Variants in BIRC6 observed in about 807,000 individuals in gnomAD.
The protein encoded by BIRC6 is dual E2 ubiquitin-conjugating enzyme/E3 ubiquitin-protein ligase BIRC6.
BIRC6 carries 98 observed loss-of-function variants against 503.3 expected under a neutral mutation model. The ratio of observed to expected loss-of-function variants is 0.19; its 90% CI spans 0.17 to 0.23. The LOEUF (loss-of-function observed/expected upper bound fraction) is 0.23, where lower values mean the gene tolerates loss of function less well. BIRC6 is among the 10% of genes least tolerant of loss of function. BIRC6 has a pLI of 1.00. For missense variants in BIRC6, 5,360 were observed against 5,806.0 expected, an observed-to-expected ratio of 0.92 and a Z score of 2.50; for synonymous variants, 2,240 against 2,078.7, an observed-to-expected ratio of 1.08 and a Z score of -2.11.
chr2:32,413,584 G>T (rs2149990612), intron 9 of BIRC6, among the ~76,000 whole-genome samples: 1 of 151,990 alleles, frequency 6.6e-6, no homozygotes, highest in Admixed American at 6.6e-5. Flanking sequence ...CTCCCAAAGT[G>T]CTAGGATGAC....
At chr2:32,360,472 T>TA (rs2033890015) in intron 1 of BIRC6, among the ~76,000 whole-genome samples, 1 of 152,224 alleles carries the variant, frequency 6.6e-6, no homozygotes, top group Non-Finnish European at 1.5e-5. Context: ...ATCTGGCTTT[T>TA]ACTAGTCTCT....
At chr2:32,602,419 T>C (rs2062125953) in intron 70 of BIRC6, 1 of 152,124 alleles carries the variant, frequency 6.6e-6, no homozygotes, top group African/African-American at 2.4e-5. Context: ...ATAGTGGTAC[T>C]AAAGCTGGGA....
At chr2:32,557,585 G>A (rs1034294318) in intron 65 of BIRC6, 1 of 152,148 alleles carries the variant, frequency 6.6e-6, no homozygotes, top group Non-Finnish European at 1.5e-5. Flanking sequence ...TTAGAGCAAG[G>A]GAGTTACCCT....
At chr2:32,513,234 CAT>C (rs1455266622) in intron 54 of BIRC6, 80 bp downstream of exon 54, 4 of 991,152 alleles carry the variant, frequency 4.0e-6, no homozygotes, top group South Asian at 3.2e-5. Flanking sequence ...AAATATTTTA[CAT>C]GTTTATTAGG....
chr2:32,614,645 T>C (rs893504608), intron 73 of BIRC6, among the ~76,000 whole-genome samples: 1 of 151,622 alleles, frequency 6.6e-6, no homozygotes, highest in Non-Finnish European at 1.5e-5. Context: ...CTGGCCAACA[T>C]GGTGAAACCC....
rs1356466372 is a variant in BIRC6, at chr2:32,503,042, G to A, written c.9305G>A (p.Gly3102Asp). The A allele has an allele frequency of 6.3e-7, 1 of 1,576,414 alleles. No homozygotes were observed. Among genetic ancestry groups the A allele is most frequent in the Non-Finnish European group, 8.6e-7 (1 of 1,160,518 alleles). The stretch of plus-strand genomic sequence containing the variant: ...CATTTCATATTCTTTATAAATTTAG[G>A]TGGTGTTCAGCTCATATGCAATAAT... ...SDALKAFHDMGGVQLICNNMV... is the reference protein window; with the variant it reads ...SDALKAFHDMDGVQLICNNMV... Residue 3102 changes from glycine (G) to aspartate (D), a missense_variant and splice_region_variant, in exon 49 of 74, where the codon GGT (glycine) becomes GAT (aspartate). By Grantham distance (94) the Gly-to-Asp change is moderately conservative. This residue lies in a region of BIRC6 where 267 missense variants were observed against 287.6 expected (regional missense o/e 0.93). Transcript: ENST00000421745.
intron 64 of BIRC6, 147 bp from the exon 65 acceptor site, chr2:32,549,166 A>G: frequency 1.8e-6 from 1 of 542,056 alleles, no homozygotes; most frequent in Non-Finnish European, 2.9e-6. Flanking sequence ...TTGAAAATTT[A>G]AACAAATAAT....
At chr2:32,601,202 C>T (rs957774517) in intron 70 of BIRC6, among the ~76,000 whole-genome samples, 3 of 152,218 alleles carry the variant, frequency 2.0e-5, no homozygotes, top group Admixed American at 2.0e-4. Context: ...TAATCAACTA[C>T]CTGTTGAATG....
chr2:32,555,427 T>G (rs1572981857), intron 65 of BIRC6, among the ~76,000 whole-genome samples: 1 of 150,646 alleles, frequency 6.6e-6, no homozygotes, highest in Admixed American at 6.6e-5. Context: ...GATCATGAGG[T>G]CGGGACATCG....
intron 21 of BIRC6, among the ~76,000 whole-genome samples, chr2:32,446,061 G>A (rs765702722): frequency 3.3e-5 from 5 of 152,060 alleles, no homozygotes; most frequent in African/African-American, 4.8e-5. Flanking sequence ...TCTTCATGTT[G>A]GTCAGGCTGT....
At chr2:32,457,263 TGACA>T (rs1311470826) in intron 23 of BIRC6, among the ~76,000 whole-genome samples, 1 of 152,238 alleles carries the variant, frequency 6.6e-6, no homozygotes, top group Non-Finnish European at 1.5e-5. Context: ...AAATCCAGCC[TGACA>T]TTTTTGTCTT....
chr2:32,563,372 G>C (rs997996777), intron 65 of BIRC6: 4 of 152,124 alleles, frequency 2.6e-5, no homozygotes, highest in South Asian at 2.1e-4. Context: ...GCTAAAATGG[G>C]GGGGCAGGAG....
chr2:32,495,791 T>G (rs1195970825), intron 45 of BIRC6, among the ~76,000 whole-genome samples: 1 of 25,162 alleles, frequency 4.0e-5, no homozygotes, highest in Admixed American at 3.4e-4. Flanking sequence ...CAGGATGAAG[T>G]TTTTTTTTTT....
At position 32,377,601 on chromosome 2, in the gene BIRC6, A is replaced by C. The variant is rs772347410; in HGVS notation, c.339A>C (p.Gly113=). 2 of 1,605,002 alleles carry C rather than the reference A, an allele frequency of 1.2e-6. No individual in the cohort carries two copies. The highest frequency in any genetic ancestry group is 2.2e-5 in the South Asian group (2 of 88,898). ...TTCTTTTAACAGCTAAACCAGGTGG[A>C]CAGGTGAAATGTCAGTATATCTCTG... ...QASALSAKPG[G]QVKCQYISAV... Residue 113 remains glycine (G), a synonymous_variant, in exon 2 of 74, where the codon GGA becomes GGC. Transcript: ENST00000421745.
At chr2:32,503,716 C>G (rs1470344791) in intron 49 of BIRC6, among the ~76,000 whole-genome samples, 1 of 152,010 alleles carries the variant, frequency 6.6e-6, no homozygotes, top group Non-Finnish European at 1.5e-5. Context: ...GCCACCATGC[C>G]TGGCCGAGAG....
chr2:32,400,743 A>G (rs1398431938), intron 6 of BIRC6, among the ~76,000 whole-genome samples: 1 of 152,216 alleles, frequency 6.6e-6, no homozygotes, highest in African/African-American at 2.4e-5. Flanking sequence ...TCAGCTGTAT[A>G]TCATTTATAG....
chr2:32,394,765 G>A (rs2039669540), intron 5 of BIRC6, among the ~76,000 whole-genome samples: 1 of 152,090 alleles, frequency 6.6e-6, no homozygotes, highest in Admixed American at 6.5e-5. Context: ...ACGAGTTCAG[G>A]GCTATAGTCA....
chr2:32,476,374 C>A (rs892950342), intron 34 of BIRC6, 30 bp downstream of exon 34: 9 of 1,539,816 alleles, frequency 5.8e-6, no homozygotes, highest in African/African-American at 5.5e-5. Context: ...ATATAGTTAT[C>A]TCAGAAAAGT....
intron 5 of BIRC6, among the ~76,000 whole-genome samples, chr2:32,393,885 T>C (rs2039548974): frequency 6.6e-6 from 1 of 151,978 alleles, no homozygotes; most frequent in Non-Finnish European, 1.5e-5. Context: ...ATCTGAAGAT[T>C]GATTATTCCT....
Sources: allele counts gnomAD v4.1 joint callset (sites outside exome capture counted in the v4.1 genomes callset), GRCh38; gene constraint gnomAD v4.1.1; regional missense constraint gnomAD v4.1.1; transcripts MANE v1.5; gene names NCBI Gene and HGNC (gene_info 2026-07-23, HGNC 2026-07-21).